The following SPA17 variants were observed in gnomAD, a reference collection of about 807,000 sequenced individuals.
The protein encoded by SPA17 is sperm surface protein Sp17.
A neutral mutation model predicts 13.8 loss-of-function variants in SPA17; 7 were observed. The observed-to-expected ratio is 0.51, with a 90% CI of 0.29 to 0.95. The LOEUF (loss-of-function observed/expected upper bound fraction) is 0.95, where lower values mean the gene tolerates loss of function less well. SPA17 is among the 40% of genes least tolerant of loss of function. The pLI, the probability that SPA17 is intolerant of heterozygous loss-of-function variation, is 0.08. For synonymous variants in SPA17, 61 were observed against 59.0 expected, an observed-to-expected ratio of 1.03 and a Z score of -0.16; for missense variants, 170 against 179.3, an observed-to-expected ratio of 0.95 and a Z score of 0.30.
At chr11:124,683,992 G>T (rs1247456332) in intron 3 of SPA17, among the ~76,000 whole-genome samples, 1 of 152,158 alleles carries the variant, frequency 6.6e-6, no homozygotes, top group Non-Finnish European at 1.5e-5. Flanking sequence ...ATCTTGAATT[G>T]TAGTTCCCAT....
At chr11:124,688,262 C>T (rs1365858858) in intron 3 of SPA17, among the ~76,000 whole-genome samples, 1 of 152,230 alleles carries the variant, frequency 6.6e-6, no homozygotes, top group Non-Finnish European at 1.5e-5. Flanking sequence ...ATCATCCTGC[C>T]TTGGCCTCCC....
intron 1 of SPA17, 27 bp downstream of exon 1, chr11:124,673,979 C>T (rs1252515960): frequency 3.7e-6 from 2 of 534,582 alleles, no homozygotes; most frequent in Non-Finnish European, 6.7e-6. Context: ...ACTTCCTCTC[C>T]GATACCAAGA....
In SPA17 at chr11:124,694,490, T is replaced by C; in HGVS notation, c.*44T>C. 6.4e-7 allele frequency: 1 copy of C among 1,557,322 alleles called. No homozygotes were observed. The highest frequency in any genetic ancestry group is 1.4e-5 in the African/African-American group (1 of 72,192). ...CAGGAAACATGAAAAATAATCCAAA[T>C]CCATCAACCTTCTTATTAATGTCAT... On this transcript the variant is annotated 3_prime_UTR_variant, in exon 5 of 5. Transcript: ENST00000227135.
At chr11:124,683,145 A>G (rs958835827) in intron 3 of SPA17, among the ~76,000 whole-genome samples, 2 of 152,194 alleles carry the variant, frequency 1.3e-5, no homozygotes, top group African/African-American at 4.8e-5. Flanking sequence ...TAACCTTCAT[A>G]AATGAAAGAG....
chr11:124,695,896 C>A lies in SPA17; in HGVS notation c.*1450C>A, dbSNP rs573794761. ...GATCCTTGTCCTAGGCTTAGACATG[C>A]TCTTTCTGCAAAGCAGTTTTATTTC... is the stretch of plus-strand genomic sequence containing the variant. On this transcript the variant is annotated 3_prime_UTR_variant, in exon 5 of 5. Transcript: ENST00000227135. The A allele has an allele frequency of 6.6e-6, 1 of 152,390 alleles. No homozygotes were observed. The highest frequency in any genetic ancestry group is 1.9e-4 in the East Asian group (1 of 5,190). 9.4% of individuals were successfully genotyped at this position (152,390 alleles called of 1,614,324 possible). A position where few individuals can be genotyped will look rare whatever the true frequency, so the allele number is the denominator to read the frequency against.
chr11:124,675,606 A>G (rs1426113753), intron 2 of SPA17, 188 bp downstream of exon 2: 3 of 552,720 alleles, frequency 5.4e-6, no homozygotes, highest in Non-Finnish European at 9.2e-6. Flanking sequence ...GTTTCATATT[A>G]TCGAAGATTA....
At chr11:124,690,908 A>T (rs1051422499) in intron 3 of SPA17, among the ~76,000 whole-genome samples, 1 of 152,202 alleles carries the variant, frequency 6.6e-6, no homozygotes, top group African/African-American at 2.4e-5. Flanking sequence ...GCCTGCAGGT[A>T]TGGGTGTGTT....
At chr11:124,676,927 G>C (rs887033935) in intron 2 of SPA17, among the ~76,000 whole-genome samples, 11 of 152,100 alleles carry the variant, frequency 7.2e-5, no homozygotes, top group African/African-American at 2.2e-4. Flanking sequence ...AAAATTATTT[G>C]GGAAAAGAGG....
intron 1 of SPA17, chr11:124,675,001 G>T (rs930332717): frequency 5.7e-5 from 16 of 280,974 alleles, no homozygotes; most frequent in Non-Finnish European, 9.8e-5. Context: ...AAAATTATGG[G>T]TTTTTTGCAG....
chr11:124,689,890 A>G (rs1426295979), intron 3 of SPA17, among the ~76,000 whole-genome samples: 2 of 152,248 alleles, frequency 1.3e-5, no homozygotes, highest in Non-Finnish European at 2.9e-5. Context: ...TCAGAGAAGT[A>G]CAAATCAAAA....
intron 2 of SPA17, among the ~76,000 whole-genome samples, chr11:124,680,285 G>GA (rs536464866): frequency 6.6e-6 from 1 of 151,802 alleles, no homozygotes; most frequent in Non-Finnish European, 1.5e-5. Context: ...TATACTTGCA[G>GA]AAAAAAAATC....
At chr11:124,682,987 G>A (rs571767967) in intron 3 of SPA17, among the ~76,000 whole-genome samples, 13 of 151,540 alleles carry the variant, frequency 8.6e-5, no homozygotes, top group East Asian at 3.9e-4. Context: ...AGCAAGATGA[G>A]AACATCTCAT....
At chr11:124,694,258 A>G in intron 4 of SPA17, 45 bp from the exon 5 acceptor site, 2 of 1,587,380 alleles carry the variant, frequency 1.3e-6, no homozygotes, top group Non-Finnish European at 1.7e-6. Context: ...CATCAAAACT[A>G]CGCCATATTT....
At chr11:124,689,418 CA>C (rs1222208165) in intron 3 of SPA17, among the ~76,000 whole-genome samples, 1 of 152,128 alleles carries the variant, frequency 6.6e-6, no homozygotes, top group Non-Finnish European at 1.5e-5. Context: ...ATTCATCCAA[CA>C]AGGGACTAAT....
At chr11:124,693,936 A>C (rs1056172360) in intron 4 of SPA17, among the ~76,000 whole-genome samples, 4 of 152,198 alleles carry the variant, frequency 2.6e-5, no homozygotes, top group Non-Finnish European at 5.9e-5. Context: ...ATTTTGAAAC[A>C]TAACATTTAC....
intron 3 of SPA17, among the ~76,000 whole-genome samples, chr11:124,681,791 AAGTT>A (rs1466636223): frequency 3.9e-5 from 6 of 152,144 alleles, no homozygotes; most frequent in Non-Finnish European, 8.8e-5. Flanking sequence ...AGGTGCTTAA[AAGTT>A]ATGAATAATT....
chr11:124,691,279 A>G (rs1415357142), intron 3 of SPA17, among the ~76,000 whole-genome samples: 2 of 152,200 alleles, frequency 1.3e-5, no homozygotes, highest in Non-Finnish European at 2.9e-5. Flanking sequence ...CTAAAAAGTC[A>G]ATTTGATGTC....
chr11:124,685,935 A>G (rs137970534), intron 3 of SPA17, among the ~76,000 whole-genome samples: 166 of 152,286 alleles, frequency 1.1e-3, no homozygotes, highest in Middle Eastern at 6.8e-3. Flanking sequence ...GCTCATAGGC[A>G]TAAGGAACTT....
chr11:124,684,524 T>A (rs879737808), intron 3 of SPA17, among the ~76,000 whole-genome samples: 22 of 152,168 alleles, frequency 1.4e-4, no homozygotes, highest in Admixed American at 1.2e-3. Context: ...ATCACTGGGA[T>A]TACAGGCATG....
Sources: gnomAD v4.1 joint callset for allele counts (sites outside exome capture counted in the v4.1 genomes callset) on GRCh38, gnomAD v4.1.1 for gene constraint, MANE v1.5 for transcripts, NCBI Gene and HGNC (gene_info 2026-07-23, HGNC 2026-07-21) for gene names.